Variants in KMT2A observed in about 807,000 individuals in gnomAD.
KMT2A encodes the protein histone-lysine N-methyltransferase 2A.
Under a neutral mutation model 345.3 loss-of-function variants are expected in KMT2A, and 16 were observed. The ratio of observed to expected loss-of-function variants is 0.05; its 90% CI spans 0.03 to 0.07. The LOEUF (loss-of-function observed/expected upper bound fraction) is 0.07, where lower values mean the gene tolerates loss of function less well. Ranked by LOEUF, KMT2A falls within the 10% of genes least tolerant of loss-of-function variation. The pLI, the probability that KMT2A is intolerant of heterozygous loss-of-function variation, is 1.00. For missense variants in KMT2A, 3,272 were observed against 4,841.6 expected (o/e 0.68, Z 9.62); for synonymous variants, 1,599 against 1,778.6 (o/e 0.90, Z 2.54).
chr11:118,506,125 A>G lies in KMT2A; in HGVS notation c.10233A>G (p.Gln3411=), dbSNP rs190087851. The G allele has an allele frequency of 9.9e-6, 16 of 1,614,174 alleles. No individual in the cohort carries two copies. The Admixed American group carries it at 2.7e-4, about 27-fold the overall frequency. The change falls in exon 27 of 36, where the codon CAA becomes CAG. Residue 3411 remains glutamine (Q), a synonymous_variant. Transcript: ENST00000534358. The part of the protein sequence containing the change: ...ALPPSSGMFP[Q]LGTSQTPSTA... ...CGCCAAGTTCAGGAATGTTTCCACA[A>G]CTGGGGACATCACAGACCCCCTCTA... is the stretch of plus-strand genomic sequence containing the variant.
At position 118,489,918 on chromosome 11, in the gene KMT2A, A is replaced by G. The variant is rs782685497; in HGVS notation, c.4575+31A>G. ...TTATACACATGATGCTCTTTTATAG[A>G]GAACCACCATGTGACTATTGGACTT... On this transcript the variant is annotated intron_variant, in intron 12 of 35. Transcript: ENST00000534358. 3.2e-6 allele frequency: 5 copies of G among 1,577,712 alleles called. No individual in the cohort carries two copies. In the South Asian group the frequency reaches 5.5e-5, roughly 17 times the overall value.
rs1383583008 is a variant in KMT2A at position 118,496,558 on chromosome 11, G to A, written c.5664+191G>A. Among the ~76,000 whole-genome samples, 1 of 152,012 alleles carries A rather than the reference G, an allele frequency of 6.6e-6. No homozygotes were observed. The highest frequency in any genetic ancestry group is 2.4e-5 in the African/African-American group (1 of 41,376). On this transcript the variant is annotated intron_variant, in intron 20 of 35. Transcript: ENST00000534358. The surrounding 1 kb of genome is among the most constrained non-coding windows in gnomAD (Gnocchi z 4.7). The stretch of plus-strand genomic sequence containing the variant: ...ACTTATTTTTTGTCACTTAGTTCAT[G>A]GCACTTGGAGTTTTTTAATGACTGA...
Position 118,473,908 on chromosome 11 carries a change from G to A in KMT2A, c.2749G>A (p.Val917Ile), listed in dbSNP as rs782675095. The stretch of plus-strand genomic sequence containing the variant: ...GGGTAGGGTTTCCAAAGAGAAGGTT[G>A]TTGGTGAAGATGTTGCCACTTCATC... ...PVGRVSKEKV[V>I]GEDVATSSSA... The change falls in exon 3 of 36, where the codon GTT becomes ATT. Residue 917 changes from valine (V) to isoleucine (I), a missense_variant. This residue lies in a region of KMT2A where 209 missense variants were observed against 237.4 expected (regional missense o/e 0.88). Transcript: ENST00000534358. The surrounding 1 kb of genome is among the most constrained non-coding windows in gnomAD (Gnocchi z 5.2). 1.2e-6 allele frequency: 2 copies of A among 1,614,208 alleles called. No homozygotes were observed. Among genetic ancestry groups the A allele is most frequent in the Non-Finnish European group, 1.7e-6 (2 of 1,180,032 alleles).
intron 28 of KMT2A, among the ~76,000 whole-genome samples, chr11:118,508,737 AG>A (rs1238227948): frequency 6.0e-5 from 9 of 150,018 alleles, no homozygotes; most frequent in Non-Finnish European, 1.2e-4. Context: ...AAAAAAAAAA[AG>A]GTGAAAATTG....
rs2134364592 is a variant in KMT2A at position 118,498,053 on chromosome 11, G to C, written c.5782G>C (p.Val1928Leu). Residue 1928 changes from valine (V) to leucine (L), a missense_variant, in exon 21 of 36, where the codon GTG becomes CTG. By Grantham distance (32) the Val-to-Leu change is conservative. This residue lies in a region of KMT2A where 235 missense variants were observed against 503.4 expected (regional missense o/e 0.47). Transcript: ENST00000534358. The surrounding 1 kb of genome is among the most constrained non-coding windows in gnomAD (Gnocchi z 4.4). ...DGSLKNVHMA[V>L]IRGKQLRCEF... ...ATCACTAAAGAATGTGCATATGGCT[G>C]TGATCAGGGGCAAGCAGCTGGTAAG... The C allele has an allele frequency of 6.2e-7, 1 of 1,614,110 alleles. No homozygotes were observed. The highest frequency in any genetic ancestry group is 8.5e-7 in the Non-Finnish European group (1 of 1,180,012).
chr11:118,483,159 C>A (rs1253678481), intron 8 of KMT2A, among the ~76,000 whole-genome samples: 1 of 149,666 alleles, frequency 6.7e-6, no homozygotes, highest in Non-Finnish European at 1.5e-5. Context: ...CCTGAACCTG[C>A]GAGGCGGAGG....
intron 1 of KMT2A, chr11:118,439,174 GAAA>G (rs1169017748): frequency 2.5e-5 from 8 of 324,218 alleles, no homozygotes; most frequent in Middle Eastern, 8.6e-4. Flanking sequence ...AAAAAAAAAA[GAAA>G]AAAAAGAAAA....
Position 118,526,477 on chromosome 11 carries a change from A to C in KMT2A, c.*4305A>C, listed in dbSNP as rs567204017. 55 of 229,852 alleles carry C rather than the reference A, an allele frequency of 2.4e-4. No individual in the cohort carries two copies. Among genetic ancestry groups the C allele is most frequent in the African/African-American group, 1.1e-3 (52 of 45,300 alleles). The allele number at this position is 229,852 out of a possible 1,614,324, so 14.2% of individuals were successfully genotyped here. On this transcript the variant is annotated 3_prime_UTR_variant, in exon 36 of 36. Coordinates refer to ENST00000534358, the MANE Select transcript of KMT2A (RefSeq NM_001197104.2). ...AATAATTGTTTCAAGAGCTCAACAG[A>C]TGACAAGCTTCTTTTCTAGAAATAA...
chr11:118,520,565 C>A lies in KMT2A; in HGVS notation c.11430-237C>A. 2.0e-6 allele frequency: 1 copy of A among 506,522 alleles called. No homozygotes were observed. Among genetic ancestry groups the A allele is most frequent in the East Asian group, 3.3e-5 (1 of 30,518 alleles). 31.4% of individuals were successfully genotyped at this position (506,522 alleles called of 1,614,324 possible). A position where few individuals can be genotyped will look rare whatever the true frequency, so the allele number is the denominator to read the frequency against. On this transcript the variant is annotated intron_variant, in intron 33 of 35. Coordinates refer to ENST00000534358, the MANE Select transcript of KMT2A (RefSeq NM_001197104.2). This position sits in a 1 kb window ranked among gnomAD's most constrained non-coding sequence, Gnocchi z 4.3. Reference sequence around the variant, plus strand: ...ACTCAGCAGGCTGAGGCAAGAGAATCGCTTGAACCCAGGAGGCGGAGGTTA... The same window carrying A: ...ACTCAGCAGGCTGAGGCAAGAGAATAGCTTGAACCCAGGAGGCGGAGGTTA...
intron 1 of KMT2A, among the ~76,000 whole-genome samples, chr11:118,438,855 C>T (rs1949255311): frequency 1.3e-5 from 2 of 152,144 alleles, no homozygotes; most frequent in Admixed American, 1.3e-4. Flanking sequence ...GTGTTCCTTG[C>T]TATGTAGCTA....
In KMT2A at chr11:118,525,326, T is replaced by A. The variant is rs1194044279; in HGVS notation, c.*3154T>A. 4.4e-6 allele frequency: 1 copy of A among 227,280 alleles called. No homozygotes were observed. The highest frequency in any genetic ancestry group is 8.7e-6 in the Non-Finnish European group (1 of 114,362). 14.1% of individuals were successfully genotyped at this position (227,280 alleles called of 1,614,324 possible). A position where few individuals can be genotyped will look rare whatever the true frequency, so the allele number is the denominator to read the frequency against. On this transcript the variant is annotated 3_prime_UTR_variant, in exon 36 of 36. Transcript: ENST00000534358. ...CTGCTAGAACCTGTTGTGGCTGCAT[T>A]TCCTGGTGGCCAGTGACAACTGTGT... is the stretch of plus-strand genomic sequence containing the variant.
At position 118,524,595 on chromosome 11, in the gene KMT2A, T is replaced by G. The variant is rs1951041576; in HGVS notation, c.*2423T>G. 1 of 181,138 alleles carries G rather than the reference T, an allele frequency of 5.5e-6. No homozygotes were observed. Among genetic ancestry groups the G allele is most frequent in the Admixed American group, 6.3e-5 (1 of 15,894 alleles). 11.2% of individuals were successfully genotyped at this position (181,138 alleles called of 1,614,324 possible). ...ACCCAGACCTCACCTCCCTTCCTCC[T>G]TTTGCCCATGAACAAGATGCAGTGG... On this transcript the variant is annotated 3_prime_UTR_variant, in exon 36 of 36. Transcript: ENST00000534358.
At chr11:118,485,859 G>T (rs1950219128) in intron 10 of KMT2A, among the ~76,000 whole-genome samples, 1 of 152,220 alleles carries the variant, frequency 6.6e-6, no homozygotes, top group Admixed American at 6.5e-5. Context: ...AAGGCAGGCG[G>T]ATCACAAGGT....
intron 1 of KMT2A, among the ~76,000 whole-genome samples, chr11:118,457,541 G>A (rs1949669458): frequency 6.6e-6 from 1 of 151,856 alleles, no homozygotes; most frequent in Non-Finnish European, 1.5e-5. Context: ...AAAGTGCTGG[G>A]ATTACAGGTG....
Position 118,522,393 on chromosome 11 carries a change from C to T in KMT2A, c.*221C>T. On this transcript the variant is annotated 3_prime_UTR_variant, in exon 36 of 36. Transcript: ENST00000534358. The surrounding 1 kb of genome is among the most constrained non-coding windows in gnomAD (Gnocchi z 5.4). ...GAAGAAAAGATCCATGATCGGCTTT[C>T]TCCTGGGGCCCCTCCAATTGTTTAC... is the stretch of plus-strand genomic sequence containing the variant. 1 of 534,226 alleles carries T rather than the reference C, an allele frequency of 1.9e-6. No individual in the cohort carries two copies. Among genetic ancestry groups the T allele is most frequent in the South Asian group, 2.5e-5 (1 of 40,390 alleles). 33.1% of individuals were successfully genotyped at this position (534,226 alleles called of 1,614,324 possible).
chr11:118,437,765 T>C (rs1349918162), intron 1 of KMT2A, among the ~76,000 whole-genome samples: 1 of 151,756 alleles, frequency 6.6e-6, no homozygotes, highest in African/African-American at 2.4e-5. Flanking sequence ...TTCCCTCCTT[T>C]AGAATGAAGG....
At chr11:118,487,993 A>G (rs1051136623) in intron 10 of KMT2A, among the ~76,000 whole-genome samples, 6 of 152,200 alleles carry the variant, frequency 3.9e-5, no homozygotes, top group Non-Finnish European at 7.3e-5. Context: ...ATCCTCGCTA[A>G]CACAGTGAAA....
At chr11:118,457,792 G>C (rs1565268941) in intron 1 of KMT2A, among the ~76,000 whole-genome samples, 4 of 150,492 alleles carry the variant, frequency 2.7e-5, no homozygotes. Flanking sequence ...TGGCCTTCCC[G>C]ATCCTTTCTC....
rs1950422408 is a variant in KMT2A, at chr11:118,497,107, C to A, written c.5664+740C>A. 6.6e-6 allele frequency among the ~76,000 whole-genome samples: 1 copy of A among 152,098 alleles called. No individual in the cohort carries two copies. Among genetic ancestry groups the A allele is most frequent in the Non-Finnish European group, 1.5e-5 (1 of 68,020 alleles). On this transcript the variant is annotated intron_variant, in intron 20 of 35. Transcript: ENST00000534358. This position sits in a 1 kb window ranked among gnomAD's most constrained non-coding sequence, Gnocchi z 4.8. Reference sequence around the variant, plus strand: ...ACAACCTCCGCCTCCTATGTTCAAGCAATTCTCCTGCCTCAGCCTCCCGAG... The same window carrying A: ...ACAACCTCCGCCTCCTATGTTCAAGAAATTCTCCTGCCTCAGCCTCCCGAG...
Sources: gnomAD v4.1 joint callset for allele counts (sites outside exome capture counted in the v4.1 genomes callset) on GRCh38, gnomAD v4.1.1 for gene constraint, gnomAD v4.1.1 regional missense constraint, Gnocchi (gnomAD v3.1) non-coding constraint, MANE v1.5 for transcripts, NCBI Gene and HGNC (gene_info 2026-07-23, HGNC 2026-07-21) for gene names.